The following TNS1 variants were observed in gnomAD, a reference collection of about 807,000 sequenced individuals.
The protein encoded by TNS1 is tensin 1.
A neutral mutation model predicts 168.6 loss-of-function variants in TNS1; 62 were observed. The observed-to-expected ratio is 0.37, with a 90% CI of 0.30 to 0.45. The LOEUF (loss-of-function observed/expected upper bound fraction) is 0.45, where lower values mean the gene tolerates loss of function less well. TNS1 is among the 20% of genes least tolerant of loss of function. The pLI, the probability that TNS1 is intolerant of heterozygous loss-of-function variation, is 1.00. For synonymous variants in TNS1, 934 were observed against 933.2 expected, an observed-to-expected ratio of 1.00 and a Z score of -0.02; for missense variants, 2,240 against 2,339.4, an observed-to-expected ratio of 0.96 and a Z score of 0.88.
intron 2 of TNS1, among the ~76,000 whole-genome samples, chr2:217,984,569 C>T (rs567972724): frequency 1.8e-4 from 28 of 152,202 alleles, no homozygotes; most frequent in African/African-American, 6.7e-4. Context: ...CTCACTGCAG[C>T]CTCGACCTCC....
chr2:217,939,293 C>T (rs1040907448), intron 3 of TNS1, among the ~76,000 whole-genome samples: 2 of 152,180 alleles, frequency 1.3e-5, no homozygotes, highest in Non-Finnish European at 2.9e-5. Flanking sequence ...ACATTCTCTG[C>T]CTCAAGACAG....
At chr2:217,994,018 G>T (rs1014913459) in intron 1 of TNS1, among the ~76,000 whole-genome samples, 2 of 152,222 alleles carry the variant, frequency 1.3e-5, no homozygotes, top group African/African-American at 4.8e-5. Flanking sequence ...ACTGCGGAGG[G>T]TGGGGAGCTG....
rs542023675 is a variant in TNS1, at chr2:217,890,893, A to G, written c.866+69T>C. 61 of 1,528,470 alleles carry G rather than the reference A, an allele frequency of 4.0e-5. No individual in the cohort carries two copies. In the African/African-American group the frequency reaches 5.6e-4, roughly 14 times the overall value. The allele number at this position is 1,528,470 out of a possible 1,614,324, so 94.7% of individuals were successfully genotyped here. On this transcript the variant is annotated intron_variant, in intron 12 of 32. Coordinates refer to ENST00000682258, the MANE Select transcript of TNS1 (RefSeq NM_001387777.1). ...ACAGCTATCCCATCCCTGTGAGTAC[A>G]CAAGTCTAGTCCCCACATAGAGTGA...
At position 217,886,600 on chromosome 2, in the gene TNS1, T is replaced by C. The variant is rs201748801; in HGVS notation, c.913A>G (p.Asn305Asp). The C allele has an allele frequency of 3.4e-4, 549 of 1,604,188 alleles. No individual in the cohort carries two copies. Among genetic ancestry groups the C allele is most frequent in the Non-Finnish European group, 4.6e-4 (537 of 1,175,772 alleles). The change falls in exon 13 of 33, where the codon AAC becomes GAC. Residue 305 changes from asparagine (N) to aspartate (D), a missense_variant. By Grantham distance (23) the Asn-to-Asp change is conservative. Coordinates refer to ENST00000682258, the MANE Select transcript of TNS1 (RefSeq NM_001387777.1). ...TGGTGCAGAAACAAGGGCTTGTTGT[T>C]CATTTTGATGGAGCCGGAGAGCAGG... ...SGLLSGSIKM[N>D]NKPLFLHHVI...
chr2:217,853,491 G>A (rs567166366), intron 18 of TNS1, among the ~76,000 whole-genome samples: 12 of 152,250 alleles, frequency 7.9e-5, no homozygotes, highest in African/African-American at 2.9e-4. Context: ...ATAAACTGAA[G>A]CAGAAACACA....
chr2:217,991,811 G>T (rs1186614457), intron 1 of TNS1, among the ~76,000 whole-genome samples: 1 of 151,194 alleles, frequency 6.6e-6, no homozygotes, highest in African/African-American at 2.4e-5. Flanking sequence ...AGCCCGGAAG[G>T]CTTCTTCCAT....
chr2:217,843,703 T>C (rs1946283042), intron 19 of TNS1, among the ~76,000 whole-genome samples: 1 of 152,142 alleles, frequency 6.6e-6, no homozygotes, highest in Non-Finnish European at 1.5e-5. Flanking sequence ...CTTGAAACCC[T>C]TTACCATCTT....
At chr2:218,004,036 C>T (rs1958623003), upstream of TNS1, among the ~76,000 whole-genome samples, 2 of 152,170 alleles carry the variant, frequency 1.3e-5, no homozygotes, top group Non-Finnish European at 2.9e-5. Flanking sequence ...CACCACGTTC[C>T]CCTCCAAAAA....
intron 16 of TNS1, among the ~76,000 whole-genome samples, chr2:217,884,412 G>C (rs925497044): frequency 2.0e-5 from 3 of 152,150 alleles, no homozygotes; most frequent in African/African-American, 7.2e-5. Flanking sequence ...TATGTCCCAG[G>C]CATTAATGTG....
rs1941335647 is a variant in TNS1, at chr2:217,813,443, G to A, written c.4862-136C>T. Reference sequence around the variant, plus strand: ...TGACTGAAGAGAGAACGTGGCTGGAGCCCCATGGACTGCAGAGCCCACTGC... The same window carrying A: ...TGACTGAAGAGAGAACGTGGCTGGAACCCCATGGACTGCAGAGCCCACTGC... On this transcript the variant is annotated intron_variant, in intron 26 of 32. Transcript: ENST00000682258. This position sits in a 1 kb window ranked among gnomAD's most constrained non-coding sequence, Gnocchi z 4.0. 2.2e-6 allele frequency: 2 copies of A among 929,770 alleles called. No homozygotes were observed. Among genetic ancestry groups the A allele is most frequent in the Non-Finnish European group, 3.3e-6 (2 of 604,558 alleles). The allele number at this position is 929,770 out of a possible 1,614,324, so 57.6% of individuals were successfully genotyped here.
At chr2:217,873,571 C>G (rs971135938) in intron 18 of TNS1, among the ~76,000 whole-genome samples, 1 of 152,134 alleles carries the variant, frequency 6.6e-6, no homozygotes, top group Non-Finnish European at 1.5e-5. Context: ...GAGAGCCAGC[C>G]CCTGGGCTGC....
chr2:217,867,850 C>A lies in TNS1; in HGVS notation c.1429+13048G>T, dbSNP rs184785087. ...TCCTCCTCAGAGGGCCGGGACTGAC[C>A]AACTCCCCTTTTTAAAAATGTCAAC... On this transcript the variant is annotated intron_variant, in intron 18 of 32. Transcript: ENST00000682258. 1.8e-3 allele frequency among the ~76,000 whole-genome samples: 281 copies of A among 152,328 alleles called. 1 individual carries two copies. The highest frequency in any genetic ancestry group is 6.4e-3 in the African/African-American group (266 of 41,568).
At position 217,817,925 on chromosome 2, in the gene TNS1, G is replaced by A. The variant is rs1466080344; in HGVS notation, c.4407C>T (p.Ser1469=). ...VSPAYYPGLS[S]PATSPSPDSA... is the part of the protein sequence containing the mutation. ...AGTCTGGTGACGGGGAGGTGGCAGG[G>A]CTGCTCAGGCCAGGGTAGTAGGCAG... The change falls in exon 24 of 33, where the codon AGC becomes AGT. Residue 1469 remains serine, a synonymous_variant. Coordinates refer to ENST00000682258, the MANE Select transcript of TNS1 (RefSeq NM_001387777.1). The A allele has an allele frequency of 1.9e-6, 3 of 1,613,202 alleles. No homozygotes were observed. Among genetic ancestry groups the A allele is most frequent in the African/African-American group, 2.7e-5 (2 of 74,938 alleles).
rs765855257 is a variant in TNS1, at chr2:217,847,891, C to T, written c.2626G>A (p.Gly876Arg). Residue 876 changes from glycine to arginine, a missense_variant, in exon 19 of 33, where the codon GGA (glycine) becomes AGA (arginine). Physicochemically the swap from Gly to Arg is moderately radical, Grantham distance 125. Transcript: ENST00000682258. ...AGTGGATGGGACTGACGGGAGGATC[C>T]AGAGAGGGGCTGGGAGGAGAGTGGA... Reference protein sequence around the residue: ...ASPLSSQPLSGSSRQSHPLTQ... With the variant: ...ASPLSSQPLSRSSRQSHPLTQ... 20 of 1,551,282 alleles carry T rather than the reference C, an allele frequency of 1.3e-5. No individual in the cohort carries two copies. Among genetic ancestry groups the T allele is most frequent in the Non-Finnish European group, 1.7e-5 (19 of 1,140,640 alleles).
In TNS1 at chr2:217,809,722, G is replaced by A. The variant is rs545409443; in HGVS notation, c.5273+101C>T. On this transcript the variant is annotated intron_variant, in intron 30 of 32. Transcript: ENST00000682258. ...GGATGAGAAGGTAGATGAGCAGTTG[G>A]GTGCAAGGAATCAATCAAGTGGTAA... is the stretch of plus-strand genomic sequence containing the variant. 13 of 1,245,834 alleles carry A rather than the reference G, an allele frequency of 1.0e-5. No homozygotes were observed. The East Asian group carries it at 1.9e-4, about 18-fold the overall frequency. 77.2% of individuals were successfully genotyped at this position (1,245,834 alleles called of 1,614,324 possible).
intron 18 of TNS1, among the ~76,000 whole-genome samples, chr2:217,866,505 G>A (rs1464509329): frequency 6.6e-6 from 1 of 152,168 alleles, no homozygotes; most frequent in Non-Finnish European, 1.5e-5. Context: ...GACAGAAAAG[G>A]GGACTTACAG....
At chr2:217,953,250 G>T (rs1264028013) in intron 3 of TNS1, among the ~76,000 whole-genome samples, 1 of 152,172 alleles carries the variant, frequency 6.6e-6, no homozygotes, top group Admixed American at 6.5e-5. Context: ...AGAGGCTGGG[G>T]CGGAAGGGGT....
At chr2:217,983,840 GTTAAT>G (rs1958120235) in intron 2 of TNS1, among the ~76,000 whole-genome samples, 1 of 152,172 alleles carries the variant, frequency 6.6e-6, no homozygotes, top group African/African-American at 2.4e-5. Flanking sequence ...GTATGCAGTG[GTTAAT>G]TTAATGAATC....
In TNS1 at chr2:217,948,865, G is replaced by A. The variant is rs77410235; in HGVS notation, c.187-28629C>T. On this transcript the variant is annotated intron_variant, in intron 3 of 32. Transcript: ENST00000682258. The surrounding 1 kb of genome is among the most constrained non-coding windows in gnomAD (Gnocchi z 4.1). ...CTCAAAGTGCAGAAATGTGCACAGC[G>A]CCAGGCCCTTTGCTGCACATCCCCA... Among the ~76,000 whole-genome samples the A allele has an allele frequency of 4.0e-3, 611 of 152,226 alleles. 7 individuals carry two copies. Among genetic ancestry groups the A allele is most frequent in the African/African-American group, 0.014 (585 of 41,530 alleles).
Sources: gnomAD v4.1 joint callset for allele counts (sites outside exome capture counted in the v4.1 genomes callset) on GRCh38, gnomAD v4.1.1 for gene constraint, Gnocchi (gnomAD v3.1) non-coding constraint, MANE v1.5 for transcripts, NCBI Gene and HGNC (gene_info 2026-07-23, HGNC 2026-07-21) for gene names.